The following SPEG variants were observed in gnomAD, a reference collection of about 807,000 sequenced individuals.
SPEG encodes the protein striated muscle enriched protein kinase.
SPEG carries 114 observed loss-of-function variants against 300.4 expected under a neutral mutation model. The observed-to-expected ratio is 0.38, with a 90% CI of 0.33 to 0.44. The LOEUF (loss-of-function observed/expected upper bound fraction) is 0.44. SPEG is among the 20% of genes least tolerant of loss of function. The pLI is 1.00. For synonymous variants in SPEG, 1,964 were observed against 2,018.9 expected, an observed-to-expected ratio of 0.97 and a Z score of 0.73; for missense variants, 4,201 against 4,586.2, an observed-to-expected ratio of 0.92 and a Z score of 2.43.
chr2:219,481,264 C>T lies in SPEG; in HGVS notation c.5370-40C>T. 6.2e-7 allele frequency: 1 copy of T among 1,602,482 alleles called. No homozygotes were observed. The highest frequency in any genetic ancestry group is 8.5e-7 in the Non-Finnish European group (1 of 1,172,932). ...TGCCCCCACTGACATTCCCCTTTGTCCCCGCCTGCCCCTCATGACAGCCCT... is the reference window on the plus strand; with the variant it reads ...TGCCCCCACTGACATTCCCCTTTGTTCCCGCCTGCCCCTCATGACAGCCCT... On this transcript the variant is annotated intron_variant, in intron 26 of 40. Coordinates refer to ENST00000312358, the MANE Select transcript of SPEG (RefSeq NM_005876.5). This position sits in a 1 kb window ranked among gnomAD's most constrained non-coding sequence, Gnocchi z 5.4.
At chr2:219,486,158 C>T (rs921621114) in intron 31 of SPEG, among the ~76,000 whole-genome samples, 2 of 152,262 alleles carry the variant, frequency 1.3e-5, no homozygotes, top group African/African-American at 4.8e-5. Context: ...TAGCTCTTTG[C>T]CCTCTTCTGT....
chr2:219,441,437 G>A (rs918181436), intron 1 of SPEG: 16 of 459,732 alleles, frequency 3.5e-5, no homozygotes, highest in Admixed American at 3.3e-4. Context: ...GTCCACACCC[G>A]CCAGGACCCT....
chr2:219,488,570 T>C lies in SPEG; in HGVS notation c.7931T>C (p.Ile2644Thr). 1 of 1,611,648 alleles carries C rather than the reference T, an allele frequency of 6.2e-7. No homozygotes were observed. Reference sequence around the variant, plus strand: ...AAAGATGGGCGGCAGCTGCTCAGCATCCCCCGGGCGGGCAAGCGGCACGCC... The same window carrying C: ...AAAGATGGGCGGCAGCTGCTCAGCACCCCCCGGGCGGGCAAGCGGCACGCC... ...SCKDGRQLLS[I>T]PRAGKRHAGL... is the part of the protein sequence containing the mutation. The change falls in exon 33 of 41, where the codon ATC (isoleucine) becomes ACC (threonine). Residue 2644 changes from isoleucine to threonine, a missense_variant. By Grantham distance (89) the Ile-to-Thr change is moderately conservative (BLOSUM62 -1). This residue lies in a region of SPEG where 1,578 missense variants were observed against 1,506.0 expected (regional missense o/e 1.05). Coordinates refer to ENST00000312358, the MANE Select transcript of SPEG (RefSeq NM_005876.5).
Position 219,472,960 on chromosome 2 carries a change from A to G in SPEG, c.4011A>G (p.Thr1337=), listed in dbSNP as rs1448420412. 3 of 1,613,752 alleles carry G rather than the reference A, an allele frequency of 1.9e-6. No homozygotes were observed. Among genetic ancestry groups the G allele is most frequent in the African/African-American group, 1.3e-5 (1 of 75,054 alleles). Residue 1337 remains threonine (T), a synonymous_variant, in exon 16 of 41, where the codon ACA becomes ACG. Coordinates refer to ENST00000312358, the MANE Select transcript of SPEG (RefSeq NM_005876.5). ...LGSDQWTALV[T]GLREPGWAAT... is the part of the protein sequence containing the mutation. ...CGGACCAGTGGACGGCACTGGTCAC[A>G]GGCCTGCGGGAGCCAGGGTGGGCAG...
rs1479880971 is a variant in SPEG at position 219,489,443 on chromosome 2, C to T, written c.8425C>T (p.Pro2809Ser). Residue 2809 changes from proline (P) to serine (S), a missense_variant, in exon 36 of 41, where the codon CCT becomes TCT. Coordinates refer to ENST00000312358, the MANE Select transcript of SPEG (RefSeq NM_005876.5). ...TACCTCACTGGCCCCACCCCTAGCT[C>T]CTGCTGCCCCCACACCCCCGTCAGT... ...SPTSLAPPLAPAAPTPPSVTV... is the reference protein window; with the variant it reads ...SPTSLAPPLASAAPTPPSVTV... 1 of 1,612,866 alleles carries T rather than the reference C, an allele frequency of 6.2e-7. No individual in the cohort carries two copies. Among genetic ancestry groups the T allele is most frequent in the East Asian group, 2.2e-5 (1 of 44,838 alleles).
intron 1 of SPEG, chr2:219,441,922 C>T (rs987085968): frequency 7.0e-4 from 165 of 234,368 alleles, no homozygotes; most frequent in Middle Eastern, 1.4e-3. Flanking sequence ...CCCGAGGCCC[C>T]AGGCTCCTTC....
At chr2:219,446,612 C>T (rs1461042957) in intron 3 of SPEG, among the ~76,000 whole-genome samples, 2 of 152,154 alleles carry the variant, frequency 1.3e-5, no homozygotes, top group Non-Finnish European at 2.9e-5. Context: ...CTCGGGACCC[C>T]TAGAACTGCT....
chr2:219,461,963 G>A lies in SPEG; in HGVS notation c.2522G>A (p.Gly841Glu). The A allele has an allele frequency of 6.2e-7, 1 of 1,613,808 alleles. No homozygotes were observed. Among genetic ancestry groups the A allele is most frequent in the Non-Finnish European group, 8.5e-7 (1 of 1,179,922 alleles). Residue 841 changes from glycine to glutamate, a missense_variant, in exon 7 of 41, where the codon GGG becomes GAG. Around this residue, in one of 4 missense-constraint regions of SPEG, gnomAD observed 1,258 missense variants for 1,293.9 expected, o/e 0.97. Transcript: ENST00000312358. Reference protein sequence around the residue: ...LSPPEEFPEPGETWPRTPTMK... With the variant: ...LSPPEEFPEPEETWPRTPTMK... ...CCCCCAGAGGAGTTCCCAGAGCCTG[G>A]GGAGACCTGGCCGCGAACCCCCACC...
rs777527240 is a variant in SPEG, at chr2:219,473,619, C to G, written c.4263C>G (p.Val1421=). The part of the protein sequence containing the change: ...VTFNHVEAQV[V]WRSCRGALLE... ...TCAACCATGTGGAGGCCCAGGTCGT[C>G]TGGAGGAGGTGGGCCCCTTTCCCAC... The change falls in exon 17 of 41, where the codon GTC becomes GTG. Residue 1421 remains valine, a synonymous_variant. Transcript: ENST00000312358. The surrounding 1 kb of genome is among the most constrained non-coding windows in gnomAD (Gnocchi z 4.6). 1 of 1,614,078 alleles carries G rather than the reference C, an allele frequency of 6.2e-7. No individual in the cohort carries two copies. Among genetic ancestry groups the G allele is most frequent in the Non-Finnish European group, 8.5e-7 (1 of 1,180,032 alleles).
At chr2:219,438,796 G>A (rs941977149) in intron 1 of SPEG, among the ~76,000 whole-genome samples, 1 of 152,194 alleles carries the variant, frequency 6.6e-6, no homozygotes, top group African/African-American at 2.4e-5. Flanking sequence ...TCAAAACATG[G>A]TAATGAACCA....
At chr2:219,462,238 GC>G in intron 7 of SPEG, 59 bp from the exon 8 acceptor site, 2 of 1,419,840 alleles carry the variant, frequency 1.4e-6, no homozygotes, top group African/African-American at 1.4e-5. Flanking sequence ...AGATTCCACA[GC>G]CCCCAGGACC....
In SPEG at chr2:219,483,173, G is replaced by T; in HGVS notation, c.5710G>T (p.Val1904Leu). ...PELLRAPPERVWVTMPRRPPP... is the reference protein window; with the variant it reads ...PELLRAPPERLWVTMPRRPPP... ...GCTGCTGCGGGCCCCCCCAGAGCGG[G>T]TGTGGGTGACCATGCCCAGAAGGCC... Residue 1904 changes from valine to leucine, a missense_variant, in exon 30 of 41, where the codon GTG becomes TTG. Physicochemically the swap from Val to Leu is conservative, Grantham distance 32. Coordinates refer to ENST00000312358, the MANE Select transcript of SPEG (RefSeq NM_005876.5). 1.2e-6 allele frequency: 2 copies of T among 1,609,914 alleles called. No homozygotes were observed. Among genetic ancestry groups the T allele is most frequent in the South Asian group, 2.2e-5 (2 of 90,786 alleles).
chr2:219,488,676 G>T lies in SPEG; in HGVS notation c.8026+11G>T. On this transcript the variant is annotated intron_variant, in intron 33 of 40. Coordinates refer to ENST00000312358, the MANE Select transcript of SPEG (RefSeq NM_005876.5). ...CCGTGGCTGTGGCCCGTGAGCCTGG[G>T]GCAGGGCCCCAGGGGGGTAGTGATG... The T allele has an allele frequency of 6.2e-7, 1 of 1,602,512 alleles. No homozygotes were observed. The highest frequency in any genetic ancestry group is 2.2e-5 in the East Asian group (1 of 44,694).
intron 34 of SPEG, 66 bp from the exon 35 acceptor site, chr2:219,488,988 G>T: frequency 6.2e-7 from 1 of 1,606,990 alleles, no homozygotes; most frequent in Non-Finnish European, 8.5e-7. Context: ...AGGCTCCACA[G>T]ATAGCACCGT....
rs1439926874 is a variant in SPEG at position 219,479,673 on chromosome 2, G to T, written c.5086-110G>T. 2 of 952,496 alleles carry T rather than the reference G, an allele frequency of 2.1e-6. No homozygotes were observed. Among genetic ancestry groups the T allele is most frequent in the South Asian group, 1.3e-5 (1 of 74,646 alleles). The allele number at this position is 952,496 out of a possible 1,614,324, so 59.0% of individuals were successfully genotyped here. A position where few individuals can be genotyped will look rare whatever the true frequency, so the allele number is the denominator to read the frequency against. On this transcript the variant is annotated intron_variant, in intron 23 of 40. Coordinates refer to ENST00000312358, the MANE Select transcript of SPEG (RefSeq NM_005876.5). The surrounding 1 kb of genome is among the most constrained non-coding windows in gnomAD (Gnocchi z 5.5). ...CCAAACCTGTTTCAGCCCCTTCCAC[G>T]AGCCATCTGAAGGCTACTCCACAGG...
In SPEG at chr2:219,491,872, G is replaced by A; in HGVS notation, c.9461+3G>A. On this transcript the variant is annotated splice_donor_region_variant and intron_variant, in intron 39 of 40. Coordinates refer to ENST00000312358, the MANE Select transcript of SPEG (RefSeq NM_005876.5). ...GCGGGTGTGCTCACTTACATTATGT[G>A]AGTGTCCCCTACCCCACCGCAGCCC... 1 of 1,597,692 alleles carries A rather than the reference G, an allele frequency of 6.3e-7. No homozygotes were observed.
Position 219,490,800 on chromosome 2 carries a change from C to T in SPEG, c.9229C>T (p.His3077Tyr). ...VQLLQGLDYL[H>Y]GHHVLHLDIK... ...GCTGCTACAAGGCCTGGACTACCTCCACGGCCACCACGTGCTCCACCTAGA... is the reference window on the plus strand; with the variant it reads ...GCTGCTACAAGGCCTGGACTACCTCTACGGCCACCACGTGCTCCACCTAGA... Residue 3077 changes from histidine to tyrosine, a missense_variant, in exon 38 of 41, where the codon CAC (histidine) becomes TAC (tyrosine). By Grantham distance (83) the His-to-Tyr change is moderately conservative. This residue lies in a region of SPEG where 318 missense variants were observed against 429.5 expected (regional missense o/e 0.74). Coordinates refer to ENST00000312358, the MANE Select transcript of SPEG (RefSeq NM_005876.5). 1 of 1,614,108 alleles carries T rather than the reference C, an allele frequency of 6.2e-7. No individual in the cohort carries two copies. Among genetic ancestry groups the T allele is most frequent in the South Asian group, 1.1e-5 (1 of 91,088 alleles).
chr2:219,451,801 A>G lies in SPEG; in HGVS notation c.2434A>G (p.Arg812Gly). 6.5e-7 allele frequency: 1 copy of G among 1,539,068 alleles called. No homozygotes were observed. The highest frequency in any genetic ancestry group is 8.8e-7 in the Non-Finnish European group (1 of 1,140,450). ...CACCTGTGCCGCCTCACTGACCGTG[A>G]GACCCGGTAGGGAGCCCATCAACCC... is the stretch of plus-strand genomic sequence containing the variant. ...QATCAASLTV[R>G]PGGSTSPFSS... Residue 812 changes from arginine to glycine, a missense_variant, in exon 6 of 41, where the codon AGA (arginine) becomes GGA (glycine). Around this residue, in one of 4 missense-constraint regions of SPEG, gnomAD observed 1,258 missense variants for 1,293.9 expected, o/e 0.97. Transcript: ENST00000312358. The surrounding 1 kb of genome is among the most constrained non-coding windows in gnomAD (Gnocchi z 6.4).
At position 219,451,799 on chromosome 2, in the gene SPEG, T is replaced by C. The variant is rs1412771843; in HGVS notation, c.2432T>C (p.Val811Ala). The C allele has an allele frequency of 6.5e-7, 1 of 1,541,238 alleles. No homozygotes were observed. The highest frequency in any genetic ancestry group is 2.0e-5 in the Admixed American group (1 of 50,616). ...GQATCAASLT[V>A]RPGGSTSPFS... ...GCCACCTGTGCCGCCTCACTGACCG[T>C]GAGACCCGGTAGGGAGCCCATCAAC... The change falls in exon 6 of 41, where the codon GTG becomes GCG. Residue 811 changes from valine (V) to alanine (A), a missense_variant. Coordinates refer to ENST00000312358, the MANE Select transcript of SPEG (RefSeq NM_005876.5). This position sits in a 1 kb window ranked among gnomAD's most constrained non-coding sequence, Gnocchi z 6.4.
Sources: allele counts gnomAD v4.1 joint callset (sites outside exome capture counted in the v4.1 genomes callset), GRCh38; gene constraint gnomAD v4.1.1; regional missense constraint gnomAD v4.1.1; non-coding constraint Gnocchi (gnomAD v3.1); transcripts MANE v1.5; gene names NCBI Gene and HGNC (gene_info 2026-07-23, HGNC 2026-07-21).